The following BCAR3 variants were observed in gnomAD, a reference collection of about 807,000 sequenced individuals.
BCAR3 encodes BCAR3 adaptor protein, NSP family member.
Under a neutral mutation model 80.1 loss-of-function variants are expected in BCAR3, and 37 were observed. The observed-to-expected ratio is 0.46, with a 90% CI of 0.36 to 0.61. BCAR3 has a LOEUF of 0.61. Among genes scored for constraint, BCAR3 ranks in the 20% least tolerant of loss-of-function variants. The probability of loss-of-function intolerance (pLI) is 0.00; values close to 1 mark genes in which losing one functional copy is unlikely to be tolerated. For missense variants in BCAR3, 978 were observed against 1,068.2 expected (o/e 0.92, Z 1.18); for synonymous variants, 389 against 418.9 (o/e 0.93, Z 0.87).
At chr1:93,829,991 C>A (rs1654500668) in intron 2 of BCAR3, among the ~76,000 whole-genome samples, 3 of 152,050 alleles carry the variant, frequency 2.0e-5, no homozygotes. Flanking sequence ...ATGTATAGCT[C>A]CTCCCCACTC....
At chr1:93,772,399 C>T (rs1052220681) in intron 2 of BCAR3, among the ~76,000 whole-genome samples, 1 of 152,174 alleles carries the variant, frequency 6.6e-6, no homozygotes, top group African/African-American at 2.4e-5. Flanking sequence ...TGAGCTATAC[C>T]AGCAGCCATA....
At chr1:93,772,070 G>T (rs980293238) in intron 2 of BCAR3, among the ~76,000 whole-genome samples, 1 of 152,192 alleles carries the variant, frequency 6.6e-6, no homozygotes, top group African/African-American at 2.4e-5. Flanking sequence ...AGTGAAATAT[G>T]ATTTGTTCTA....
At chr1:93,787,206 C>T (rs1224602672) in intron 2 of BCAR3, among the ~76,000 whole-genome samples, 4 of 152,288 alleles carry the variant, frequency 2.6e-5, no homozygotes, top group Middle Eastern at 3.4e-3. Flanking sequence ...GGCCCTGTGT[C>T]CCCAATGACT....
At chr1:93,663,104 T>C (rs1325914463) in intron 2 of BCAR3, among the ~76,000 whole-genome samples, 2 of 152,170 alleles carry the variant, frequency 1.3e-5, no homozygotes, top group Non-Finnish European at 2.9e-5. Context: ...TTGCTTCACA[T>C]TTATCCTACC....
At chr1:93,801,204 G>C (rs964682248) in intron 2 of BCAR3, among the ~76,000 whole-genome samples, 1 of 152,114 alleles carries the variant, frequency 6.6e-6, no homozygotes, top group Non-Finnish European at 1.5e-5. Flanking sequence ...TGTTTCTGAG[G>C]CTTCTTTTGA....
chr1:93,713,995 T>C (rs1650111626), intron 2 of BCAR3, among the ~76,000 whole-genome samples: 1 of 152,204 alleles, frequency 6.6e-6, no homozygotes, highest in Non-Finnish European at 1.5e-5. Flanking sequence ...TTCAACTGTT[T>C]TTTTTGAGAT....
Position 93,582,780 on chromosome 1 carries a change from G to T in BCAR3, c.1207C>A (p.Pro403Thr), listed in dbSNP as rs1265341111. ...RGSDSQLCPK[P>T]PPKPCKVPFL... ...GGCACCTTGCAGGGCTTAGGCGGGG[G>T]CTTAGGGCACAGTTGACTGTCTGAT... The change falls in exon 7 of 12, where the codon CCC becomes ACC. Residue 403 changes from proline (P) to threonine (T), a missense_variant. Transcript: ENST00000260502. 6.2e-7 allele frequency: 1 copy of T among 1,613,992 alleles called. No homozygotes were observed. Among genetic ancestry groups the T allele is most frequent in the African/African-American group, 1.3e-5 (1 of 74,904 alleles).
intron 3 of BCAR3, among the ~76,000 whole-genome samples, chr1:93,694,372 C>G (rs955580572): frequency 6.7e-6 from 1 of 149,574 alleles, no homozygotes; most frequent in Non-Finnish European, 1.5e-5. Flanking sequence ...CGTGGGATCC[C>G]GGCTACTGTG....
chr1:93,846,572 C>G (rs1655195612), intron 1 of BCAR3, among the ~76,000 whole-genome samples: 1 of 152,252 alleles, frequency 6.6e-6, no homozygotes, highest in South Asian at 2.1e-4. Flanking sequence ...CCGCACCCTT[C>G]TGGGCAGCGG....
Position 93,654,432 on chromosome 1 carries a change from G to A in BCAR3, c.318-12089C>T, listed in dbSNP as rs528709366. 3.8e-4 allele frequency among the ~76,000 whole-genome samples: 58 copies of A among 152,142 alleles called. No individual in the cohort carries two copies. In the Middle Eastern group the frequency reaches 0.014, roughly 36 times the overall value. Reference sequence around the variant, plus strand: ...AAACAGAGACTTCAGTCCTACAACCGCAAGGAACTGAATTCTGCCAATAAC... The same window carrying A: ...AAACAGAGACTTCAGTCCTACAACCACAAGGAACTGAATTCTGCCAATAAC... On this transcript the variant is annotated intron_variant, in intron 2 of 11. Coordinates refer to ENST00000260502, the MANE Select transcript of BCAR3 (RefSeq NM_003567.4).
At chr1:93,577,780 C>A (rs1339922228) in intron 7 of BCAR3, among the ~76,000 whole-genome samples, 2 of 152,152 alleles carry the variant, frequency 1.3e-5, no homozygotes, top group Non-Finnish European at 2.9e-5. Flanking sequence ...GTGTCCCCCA[C>A]GCTCTGGGTG....
At chr1:93,564,661 G>T (rs237434) in intron 11 of BCAR3, among the ~76,000 whole-genome samples, 3,289 of 152,240 alleles carry the variant, frequency 0.022, 119 homozygotes, top group African/African-American at 0.074. Flanking sequence ...CTTACATTTT[G>T]GGTCTATGAT....
At chr1:93,739,277 G>A (rs193263452) in intron 2 of BCAR3, among the ~76,000 whole-genome samples, 19 of 152,208 alleles carry the variant, frequency 1.2e-4, no homozygotes, top group Admixed American at 1.3e-4. Flanking sequence ...CTGTGAGATG[G>A]GAAATGCAGT....
chr1:93,733,736 C>T (rs557217280), intron 2 of BCAR3, among the ~76,000 whole-genome samples: 4 of 152,302 alleles, frequency 2.6e-5, no homozygotes, highest in East Asian at 3.9e-4. Flanking sequence ...TGTGTATGCA[C>T]GTGGGTTGTG....
chr1:93,657,771 T>G (rs973626781), intron 2 of BCAR3, among the ~76,000 whole-genome samples: 2 of 151,940 alleles, frequency 1.3e-5, no homozygotes, highest in Non-Finnish European at 2.9e-5. Context: ...AATCCTCACC[T>G]TTTCATAATG....
At position 93,569,709 on chromosome 1, in the gene BCAR3, G is replaced by C. The variant is rs541455694; in HGVS notation, c.1975-1858C>G. Among the ~76,000 whole-genome samples the C allele has an allele frequency of 3.9e-5, 6 of 152,210 alleles. No individual in the cohort carries two copies. In the East Asian group the frequency reaches 5.8e-4, roughly 15 times the overall value. On this transcript the variant is annotated intron_variant, in intron 9 of 11. Transcript: ENST00000260502. ...TGTATGCTCTGGAGGACTGTGTCCT[G>C]TCACTGCTGATGTGCTCCAGAAGGG...
At chr1:93,601,136 G>C (rs754591053) in intron 3 of BCAR3, among the ~76,000 whole-genome samples, 2 of 152,158 alleles carry the variant, frequency 1.3e-5, no homozygotes, top group Non-Finnish European at 2.9e-5. Context: ...TGCAGGTAAA[G>C]CATCTGGCAC....
chr1:93,655,570 G>C (rs962220063), intron 2 of BCAR3, among the ~76,000 whole-genome samples: 4 of 152,152 alleles, frequency 2.6e-5, no homozygotes, highest in African/African-American at 7.2e-5. Flanking sequence ...TGTTAACAAT[G>C]AATTAGCAAA....
Position 93,625,518 on chromosome 1 carries a change from C to T in BCAR3, c.357+16786G>A, listed in dbSNP as rs1364911817. Among the ~76,000 whole-genome samples the T allele has an allele frequency of 3.9e-5, 6 of 152,186 alleles. No homozygotes were observed. In the East Asian group the frequency reaches 9.6e-4, roughly 24 times the overall value. ...GCTGAAGACTGGTGGTCACAGGAAACAGTCCATCAGTTTCCTTATTTCTTC... is the reference window on the plus strand; with the variant it reads ...GCTGAAGACTGGTGGTCACAGGAAATAGTCCATCAGTTTCCTTATTTCTTC... On this transcript the variant is annotated intron_variant, in intron 3 of 11. Coordinates refer to ENST00000260502, the MANE Select transcript of BCAR3 (RefSeq NM_003567.4).
Sources: gnomAD v4.1 joint callset for allele counts (sites outside exome capture counted in the v4.1 genomes callset) on GRCh38, gnomAD v4.1.1 for gene constraint, MANE v1.5 for transcripts, NCBI Gene and HGNC (gene_info 2026-07-23, HGNC 2026-07-21) for gene names.